Variants in CDKL1 observed in about 807,000 individuals in gnomAD.
CDKL1 encodes the protein cyclin dependent kinase like 1, also known as cyclin-dependent kinase-like 1.
A neutral mutation model predicts 42.0 loss-of-function variants in CDKL1; 41 were observed. That is an observed-to-expected ratio of 0.98 (90% CI 0.76 to 1.27). The LOEUF is 1.27. Ranked by LOEUF, CDKL1 falls within the 50% of genes most tolerant of loss-of-function variation. The pLI is 0.00. For missense variants in CDKL1, 394 were observed against 428.4 expected, an observed-to-expected ratio of 0.92 and a Z score of 0.71; for synonymous variants, 153 against 158.6, an observed-to-expected ratio of 0.96 and a Z score of 0.26.
At chr14:50,396,911 A>G (rs990107396), upstream of CDKL1, 3 of 286,716 alleles carry the variant, frequency 1.0e-5, no homozygotes, top group South Asian at 4.0e-5. Context: ...CGCGATCCCT[A>G]TGGGAACCGG....
chr14:50,359,750 C>T (rs1397870922), intron 2 of CDKL1, among the ~76,000 whole-genome samples: 1 of 139,108 alleles, frequency 7.2e-6, no homozygotes, highest in Non-Finnish European at 1.5e-5. Flanking sequence ...GGCATTCCAT[C>T]GTTATTTACT....
intron 2 of CDKL1, among the ~76,000 whole-genome samples, chr14:50,361,671 G>A (rs1372590561): frequency 6.6e-6 from 1 of 152,206 alleles, no homozygotes; most frequent in Non-Finnish European, 1.5e-5. Context: ...CCTCCCAGCG[G>A]CCACACCTCT....
chr14:50,342,952 G>A (rs1566580018), intron 4 of CDKL1: 1 of 1,357,688 alleles, frequency 7.4e-7, no homozygotes, highest in South Asian at 1.2e-5. Context: ...ACACACAAGT[G>A]CTCTGAGAGC....
chr14:50,362,875 G>C (rs982117654), intron 2 of CDKL1: 2 of 410,452 alleles, frequency 4.9e-6, no homozygotes, highest in Non-Finnish European at 1.1e-5. Flanking sequence ...GCCCGACCCA[G>C]CAGTGGCAAC....
chr14:50,384,479 A>G (rs2035013202), intron 2 of CDKL1, among the ~76,000 whole-genome samples: 1 of 152,220 alleles, frequency 6.6e-6, no homozygotes, highest in East Asian at 1.9e-4. Flanking sequence ...TGTGCCACAC[A>G]GTAAGCAAGT....
chr14:50,363,539 C>T (rs1331826257), intron 2 of CDKL1, among the ~76,000 whole-genome samples: 1 of 152,184 alleles, frequency 6.6e-6, no homozygotes, highest in Non-Finnish European at 1.5e-5. Context: ...AAATAATCAT[C>T]CTTAGGCTTT....
chr14:50,358,229 T>C, intron 3 of CDKL1: 1 of 1,052,936 alleles, frequency 9.5e-7, no homozygotes, highest in African/African-American at 1.7e-5. Flanking sequence ...CAATTGTTTT[T>C]CACCTATGCT....
Position 50,351,528 on chromosome 14 carries a change from G to T in CDKL1, c.291-6470C>A, listed in dbSNP as rs369943259. 2.0e-5 allele frequency among the ~76,000 whole-genome samples: 3 copies of T among 152,122 alleles called. No individual in the cohort carries two copies. The East Asian group carries it at 5.8e-4, about 29-fold the overall frequency. On this transcript the variant is annotated intron_variant, in intron 3 of 9. Coordinates refer to ENST00000395834, the MANE Select transcript of CDKL1 (RefSeq NM_004196.7). ...GTGGGCAGATTGCTTGAGCCCAAAAGTTTGAGACCAGCCTGGGCAACATGG... is the reference window on the plus strand; with the variant it reads ...GTGGGCAGATTGCTTGAGCCCAAAATTTTGAGACCAGCCTGGGCAACATGG...
At chr14:50,384,351 A>T (rs2035010112) in intron 2 of CDKL1, among the ~76,000 whole-genome samples, 1 of 152,224 alleles carries the variant, frequency 6.6e-6, no homozygotes, top group Non-Finnish European at 1.5e-5. Flanking sequence ...TAAAATTTTT[A>T]AAAATTATTT....
In CDKL1 at chr14:50,359,202, C is replaced by A. The variant is rs193052847; in HGVS notation, c.169-53G>T. 96 of 1,566,106 alleles carry A rather than the reference C, an allele frequency of 6.1e-5. No homozygotes were observed. In the African/African-American group the frequency reaches 1.2e-3, roughly 20 times the overall value. On this transcript the variant is annotated intron_variant, in intron 2 of 9. Transcript: ENST00000395834. ...AATTTGACTTGTGAAAGACAGCTTT[C>A]TCTAATCTTGATCCAATAAAAAGTA... is the stretch of plus-strand genomic sequence containing the variant.
chr14:50,334,657 TG>T, intron 7 of CDKL1, 36 bp from the exon 8 acceptor site: 1 of 1,225,982 alleles, frequency 8.2e-7, no homozygotes, highest in South Asian at 1.2e-5. Context: ...ATTTACAGCA[TG>T]TATTCAAATT....
rs8020274 is a variant in CDKL1, at chr14:50,328,459, C to T, written c.*1615G>A. ...TACTTAAGTAAATGGGGTCAGATGT[C>T]ATCATGAAGAAAATTAACAGGAAGA... On this transcript the variant is annotated 3_prime_UTR_variant, in exon 10 of 10. Coordinates refer to ENST00000395834, the MANE Select transcript of CDKL1 (RefSeq NM_004196.7). The T allele has an allele frequency of 0.56, 85,100 of 151,906 alleles. 23,871 individuals carry two copies. Among genetic ancestry groups the T allele is most frequent in the East Asian group, 0.62 (3,220 of 5,172 alleles). 9.4% of individuals were successfully genotyped at this position (151,906 alleles called of 1,614,324 possible).
rs189760170 is a variant in CDKL1 at position 50,369,050 on chromosome 14, A to G, written c.169-9901T>C. On this transcript the variant is annotated intron_variant, in intron 2 of 9. Transcript: ENST00000395834. The stretch of plus-strand genomic sequence containing the variant: ...CCTGGCTAATTTTTGTATTTTTAGT[A>G]GAGACAGGGTTTCACCATGTTGGCC... Among the ~76,000 whole-genome samples the G allele has an allele frequency of 6.0e-4, 91 of 152,008 alleles. 2 individuals carry two copies. Among genetic ancestry groups the G allele is most frequent in the African/African-American group, 1.9e-3 (78 of 41,458 alleles).
At chr14:50,376,539 C>T (rs547525319) in intron 2 of CDKL1, 71 of 260,572 alleles carry the variant, frequency 2.7e-4, no homozygotes, top group Non-Finnish European at 5.6e-4. Flanking sequence ...TAAGAAAGTA[C>T]AATTAATAGA....
At chr14:50,368,783 G>A (rs2034502331) in intron 2 of CDKL1, among the ~76,000 whole-genome samples, 1 of 151,744 alleles carries the variant, frequency 6.6e-6, no homozygotes, top group South Asian at 2.1e-4. Context: ...GTTCTGATAA[G>A]CTCAGACCCT....
At chr14:50,386,374 C>T (rs771324383) in intron 2 of CDKL1, among the ~76,000 whole-genome samples, 20 of 152,112 alleles carry the variant, frequency 1.3e-4, no homozygotes, top group Non-Finnish European at 2.5e-4. Flanking sequence ...TTCAAGAATA[C>T]AGTGAGCCAT....
chr14:50,355,896 G>A (rs2034040420), intron 3 of CDKL1, among the ~76,000 whole-genome samples: 1 of 152,188 alleles, frequency 6.6e-6, no homozygotes, highest in Non-Finnish European at 1.5e-5. Flanking sequence ...TGTATTATGG[G>A]CAAACTGGTG....
chr14:50,373,428 A>G (rs913207032), intron 2 of CDKL1, among the ~76,000 whole-genome samples: 1 of 152,236 alleles, frequency 6.6e-6, no homozygotes, highest in Admixed American at 6.5e-5. Flanking sequence ...GATGCCATTT[A>G]TTTCCTAACC....
chr14:50,335,069 CTTGAGCCCAGGAAT>C (rs2139371633), intron 7 of CDKL1, among the ~76,000 whole-genome samples: 1 of 151,600 alleles, frequency 6.6e-6, no homozygotes, highest in African/African-American at 2.4e-5. Flanking sequence ...AGTCTGATGG[CTTGAGCCCAGGAAT>C]TTGAGACCAG....
Sources: allele counts gnomAD v4.1 joint callset (sites outside exome capture counted in the v4.1 genomes callset), GRCh38; gene constraint gnomAD v4.1.1; transcripts MANE v1.5; gene names NCBI Gene and HGNC (gene_info 2026-07-23, HGNC 2026-07-21).